ADCYAP1R1: variants seen among roughly 807,000 people sequenced by gnomAD.
The protein encoded by ADCYAP1R1 is ADCYAP receptor type I, also known as pituitary adenylate cyclase-activating polypeptide type I receptor.
A neutral mutation model predicts 67.6 loss-of-function variants in ADCYAP1R1; 44 were observed. The observed-to-expected ratio is 0.65, with a 90% confidence interval of 0.51 to 0.84. ADCYAP1R1 has a LOEUF of 0.84. ADCYAP1R1 is among the 40% of genes least tolerant of loss of function. ADCYAP1R1 has a pLI of 0.00. For missense variants in ADCYAP1R1, 477 were observed against 587.9 expected (o/e 0.81, Z 1.95); for synonymous variants, 222 against 219.6 (o/e 1.01, Z -0.10).
Position 31,086,387 on chromosome 7 carries a change from G to T in ADCYAP1R1, c.673G>T (p.Glu225Ter). 2 of 1,613,914 alleles carry T rather than the reference G, an allele frequency of 1.2e-6. No individual in the cohort carries two copies. Among genetic ancestry groups the T allele is most frequent in the East Asian group, 4.5e-5 (2 of 44,884 alleles). ...DSNHCFISTV[E>*]CKAVMVFFHY... is the part of the protein sequence containing the mutation. ...ACCCTGGCGCTTCTCCCTGCAGGTGGAATGTAAGGCCGTCATGGTTTTCTT... is the reference window on the plus strand; with the variant it reads ...ACCCTGGCGCTTCTCCCTGCAGGTGTAATGTAAGGCCGTCATGGTTTTCTT... Residue 225 changes from glutamate (E) to a stop codon, truncating the protein, a stop_gained, in exon 10 of 16, where the codon GAA becomes TAA. Transcript: ENST00000304166. LOFTEE classifies it high-confidence loss of function. The surrounding 1 kb of genome is among the most constrained non-coding windows in gnomAD (Gnocchi z 5.0).
intron 1 of ADCYAP1R1, among the ~76,000 whole-genome samples, chr7:31,057,346 C>G (rs531213103): frequency 1.4e-4 from 21 of 152,368 alleles, no homozygotes; most frequent in African/African-American, 4.8e-4. Flanking sequence ...GAACTCCTCA[C>G]AGGACCCTGG....
At chr7:31,067,524 G>A (rs919292255) in intron 3 of ADCYAP1R1, among the ~76,000 whole-genome samples, 5 of 152,024 alleles carry the variant, frequency 3.3e-5, no homozygotes, top group African/African-American at 1.2e-4. Context: ...GCTGGAGGGT[G>A]GGGGTGGGTC....
chr7:31,063,398 T>C (rs1312013310), intron 2 of ADCYAP1R1, 83 bp downstream of exon 2: 57 of 1,482,380 alleles, frequency 3.8e-5, no homozygotes, highest in Non-Finnish European at 2.8e-6. Context: ...TTCTGTACCC[T>C]CAGCTCAGCT....
At chr7:31,104,524 G>A (rs776148241) in intron 14 of ADCYAP1R1, among the ~76,000 whole-genome samples, 1 of 152,158 alleles carries the variant, frequency 6.6e-6, no homozygotes, top group Non-Finnish European at 1.5e-5. Flanking sequence ...AAGCCTGCAG[G>A]ATGGTTAGGA....
intron 4 of ADCYAP1R1, among the ~76,000 whole-genome samples, chr7:31,080,105 A>G (rs1795452865): frequency 6.6e-6 from 1 of 152,224 alleles, no homozygotes; most frequent in Non-Finnish European, 1.5e-5. Flanking sequence ...AAAATGAATC[A>G]ATGGTAAAAT....
chr7:31,096,604 G>C (rs1796205009), intron 13 of ADCYAP1R1, among the ~76,000 whole-genome samples: 1 of 152,194 alleles, frequency 6.6e-6, no homozygotes, highest in Admixed American at 6.5e-5. Context: ...AGGGTGCCCA[G>C]ACTTCTCAGC....
intron 12 of ADCYAP1R1, among the ~76,000 whole-genome samples, chr7:31,091,905 T>C (rs1023188550): frequency 8.6e-5 from 13 of 151,982 alleles, no homozygotes; most frequent in African/African-American, 2.9e-4. Context: ...ATTTCTTTCT[T>C]ATATAAGTTA....
At chr7:31,087,346 C>T (rs1167249372) in intron 11 of ADCYAP1R1, among the ~76,000 whole-genome samples, 1 of 152,186 alleles carries the variant, frequency 6.6e-6, no homozygotes, top group Non-Finnish European at 1.5e-5. Flanking sequence ...GAAAAATGGT[C>T]CTTTCCCAGG....
intron 2 of ADCYAP1R1, 23 bp from the exon 3 acceptor site, chr7:31,064,808 A>G: frequency 6.3e-7 from 1 of 1,590,132 alleles, no homozygotes; most frequent in Non-Finnish European, 8.6e-7. Flanking sequence ...CGCTCCCACC[A>G]TCCATCCTGT....
intron 4 of ADCYAP1R1, 83 bp from the exon 5 acceptor site, chr7:31,080,529 AG>A: frequency 7.1e-7 from 1 of 1,406,326 alleles, no homozygotes; most frequent in Non-Finnish European, 9.9e-7. Flanking sequence ...GTGATCAGCA[AG>A]ACCCAAGGAG....
intron 1 of ADCYAP1R1, among the ~76,000 whole-genome samples, chr7:31,058,410 G>A (rs113401280): frequency 0.014 from 2,073 of 152,310 alleles, 23 homozygotes; most frequent in Non-Finnish European, 0.021. Context: ...TTTCACTCCA[G>A]GTTCGGTGGC....
chr7:31,080,993 A>T (rs1191433415), intron 5 of ADCYAP1R1, among the ~76,000 whole-genome samples: 1 of 152,230 alleles, frequency 6.6e-6, no homozygotes, highest in Non-Finnish European at 1.5e-5. Context: ...GCAGATATTG[A>T]CATCCCTGAC....
chr7:31,070,679 G>A lies in ADCYAP1R1; in HGVS notation c.157+5743G>A, dbSNP rs536919667. The stretch of plus-strand genomic sequence containing the variant: ...GACCCTCATGCTGAGGAACTTATTC[G>A]CTGTCTGACACAGGGTGTCACTTCT... On this transcript the variant is annotated intron_variant, in intron 3 of 15. Coordinates refer to ENST00000304166, the MANE Select transcript of ADCYAP1R1 (RefSeq NM_001118.5). 7.2e-5 allele frequency among the ~76,000 whole-genome samples: 11 copies of A among 152,330 alleles called. No homozygotes were observed. The East Asian group carries it at 1.9e-3, about 27-fold the overall frequency.
chr7:31,105,253 A>G (rs1206709560), intron 15 of ADCYAP1R1, among the ~76,000 whole-genome samples: 2 of 152,198 alleles, frequency 1.3e-5, no homozygotes, highest in African/African-American at 4.8e-5. Flanking sequence ...GGAATTGACA[A>G]TAAGGAAGGG....
At chr7:31,075,605 G>C (rs1795175549) in intron 3 of ADCYAP1R1, among the ~76,000 whole-genome samples, 1 of 152,122 alleles carries the variant, frequency 6.6e-6, no homozygotes, top group African/African-American at 2.4e-5. Context: ...AAAGTGAGCT[G>C]TCTCGTCCCA....
chr7:31,090,924 G>A (rs1489090619), intron 12 of ADCYAP1R1, among the ~76,000 whole-genome samples: 1 of 152,086 alleles, frequency 6.6e-6, no homozygotes, highest in Admixed American at 6.5e-5. Flanking sequence ...TTTTCCTTTG[G>A]GCATATACTC....
intron 13 of ADCYAP1R1, among the ~76,000 whole-genome samples, chr7:31,098,255 G>C (rs573818991): frequency 2.0e-5 from 3 of 152,274 alleles, no homozygotes; most frequent in Admixed American, 2.0e-4. Context: ...GAATAGAATA[G>C]GTACCATTTC....
At chr7:31,081,825 G>C (rs115688036) in intron 6 of ADCYAP1R1, 71 bp downstream of exon 6, 1 of 1,338,952 alleles carries the variant, frequency 7.5e-7, no homozygotes, top group Non-Finnish European at 1.0e-6. Flanking sequence ...TGAGCTTTGA[G>C]AACCCCATCC....
chr7:31,059,766 G>A (rs960767413), intron 1 of ADCYAP1R1, among the ~76,000 whole-genome samples: 9 of 152,138 alleles, frequency 5.9e-5, no homozygotes, highest in African/African-American at 1.4e-4. Flanking sequence ...GCAGGGTTGC[G>A]GTGGGGGCAG....
Sources: allele counts gnomAD v4.1 joint callset (sites outside exome capture counted in the v4.1 genomes callset), GRCh38; gene constraint gnomAD v4.1.1; non-coding constraint Gnocchi (gnomAD v3.1); transcripts MANE v1.5; gene names NCBI Gene and HGNC (gene_info 2026-07-23, HGNC 2026-07-21).